MICU1: variants seen among roughly 807,000 people sequenced by gnomAD.
MICU1 encodes mitochondrial calcium uptake 1.
In MICU1, 45 loss-of-function variants were observed where a neutral mutation model predicts 56.8. The observed-to-expected ratio is 0.79, with a 90% CI of 0.62 to 1.02. The LOEUF (loss-of-function observed/expected upper bound fraction) is 1.02, where lower values mean the gene tolerates loss of function less well. MICU1 is among the 50% of genes least tolerant of loss of function. MICU1 has a pLI of 0.00. For synonymous variants in MICU1, 186 were observed against 195.1 expected, an observed-to-expected ratio of 0.95 and a Z score of 0.39; for missense variants, 504 against 587.1, an observed-to-expected ratio of 0.86 and a Z score of 1.46.
intron 5 of MICU1, among the ~76,000 whole-genome samples, chr10:72,519,987 T>G (rs888814912): frequency 6.6e-6 from 1 of 152,132 alleles, no homozygotes; most frequent in African/African-American, 2.4e-5. Context: ...ATGAAATCCT[T>G]GGGTTATTTT....
chr10:72,604,157 T>C (rs909923690), intron 1 of MICU1, among the ~76,000 whole-genome samples: 1 of 152,098 alleles, frequency 6.6e-6, no homozygotes, highest in Admixed American at 6.6e-5. Flanking sequence ...GCAACAGACA[T>C]CTTTATAGAT....
In MICU1 at chr10:72,489,341, GAACT is replaced by G. The variant is rs1489100026; in HGVS notation, c.653-12089_653-12086del. ...ACACACACAAAAATAAAAAAAAAAG[GAACT>G]AACTTATATATCTTAATCCATTTAA... On this transcript the variant is annotated intron_variant, in intron 6 of 11. Coordinates refer to ENST00000361114, the MANE Select transcript of MICU1 (RefSeq NM_001195518.2). 4.7e-5 allele frequency among the ~76,000 whole-genome samples: 7 copies of G among 149,450 alleles called. 1 individual carries two copies. Among genetic ancestry groups the G allele is most frequent in the Non-Finnish European group, 7.4e-5 (5 of 67,456 alleles).
At chr10:72,588,326 G>GT (rs11440516) in intron 1 of MICU1, among the ~76,000 whole-genome samples, 68,877 of 148,182 alleles carry the variant, frequency 0.46, 19,616 homozygotes, top group Non-Finnish European at 0.67. Context: ...CCAGTCTGAG[G>GT]TTTTTTTTTT....
At chr10:72,502,934 G>C in intron 6 of MICU1, 1 of 173,576 alleles carries the variant, frequency 5.8e-6, no homozygotes, top group Admixed American at 6.1e-5. Context: ...CCGTAGTTCA[G>C]CCTTAGACAA....
At chr10:72,595,236 AAG>A (rs146403990) in intron 1 of MICU1, among the ~76,000 whole-genome samples, 69,948 of 151,038 alleles carry the variant, frequency 0.46, 20,258 homozygotes, top group Non-Finnish European at 0.67. Context: ...CAGATCACTT[AAG>A]GTTAGGAGTC....
chr10:72,579,669 A>G (rs1039973786), intron 1 of MICU1, among the ~76,000 whole-genome samples: 1 of 152,178 alleles, frequency 6.6e-6, no homozygotes, highest in East Asian at 1.9e-4. Context: ...TAGCATATAA[A>G]TTCAGAGTCA....
chr10:72,471,100 T>C (rs1426288061), intron 8 of MICU1, among the ~76,000 whole-genome samples: 1 of 152,194 alleles, frequency 6.6e-6, no homozygotes, highest in Non-Finnish European at 1.5e-5. Flanking sequence ...ATATGTTTTT[T>C]TTTGAGACAG....
At chr10:72,386,816 A>C (rs890618118) in intron 10 of MICU1, among the ~76,000 whole-genome samples, 1 of 152,096 alleles carries the variant, frequency 6.6e-6, no homozygotes, top group East Asian at 1.9e-4. Context: ...TGGGATTACA[A>C]GGTTGTGCCA....
At chr10:72,600,017 C>A (rs973593279) in intron 1 of MICU1, among the ~76,000 whole-genome samples, 12 of 152,216 alleles carry the variant, frequency 7.9e-5, no homozygotes, top group African/African-American at 2.4e-4. Context: ...CATGGCCAGG[C>A]ATGGTGGCTC....
intron 1 of MICU1, among the ~76,000 whole-genome samples, chr10:72,622,744 T>G (rs1453364602): frequency 2.6e-5 from 4 of 152,224 alleles, no homozygotes; most frequent in African/African-American, 9.6e-5. Context: ...GTATTTTCGA[T>G]AATGTTTCCA....
intron 10 of MICU1, among the ~76,000 whole-genome samples, chr10:72,392,401 T>C (rs1401150521): frequency 6.6e-6 from 1 of 152,022 alleles, no homozygotes; most frequent in African/African-American, 2.4e-5. Flanking sequence ...GAAACCCCCA[T>C]CTCTGTTAAA....
intron 8 of MICU1, among the ~76,000 whole-genome samples, chr10:72,444,402 T>C (rs951455500): frequency 1.3e-5 from 2 of 151,850 alleles, no homozygotes; most frequent in Non-Finnish European, 2.9e-5. Flanking sequence ...GAAAATAGTT[T>C]TCTCTTTCTT....
At chr10:72,435,328 C>T (rs536391241) in intron 8 of MICU1, among the ~76,000 whole-genome samples, 5 of 131,240 alleles carry the variant, frequency 3.8e-5, no homozygotes, top group South Asian at 5.2e-4. Context: ...TTCAAGGCTG[C>T]GGTGAGCTAT....
At chr10:72,570,080 G>C (rs1840569944) in intron 1 of MICU1, among the ~76,000 whole-genome samples, 1 of 152,022 alleles carries the variant, frequency 6.6e-6, no homozygotes, top group Non-Finnish European at 1.5e-5. Context: ...CAAGTTGCTG[G>C]GATTACAGAA....
intron 5 of MICU1, among the ~76,000 whole-genome samples, chr10:72,516,593 T>C (rs1334997662): frequency 1.3e-5 from 2 of 152,176 alleles, no homozygotes; most frequent in Non-Finnish European, 2.9e-5. Flanking sequence ...CTTTAATCCA[T>C]CTCGAGTTAA....
intron 4 of MICU1, among the ~76,000 whole-genome samples, chr10:72,536,302 T>C (rs975579439): frequency 2.0e-5 from 3 of 152,146 alleles, no homozygotes; most frequent in Non-Finnish European, 4.4e-5. Flanking sequence ...ATGTACCCCA[T>C]AAATATGTAC....
intron 5 of MICU1, among the ~76,000 whole-genome samples, chr10:72,515,301 C>G (rs1309937806): frequency 6.6e-6 from 1 of 152,196 alleles, no homozygotes; most frequent in Non-Finnish European, 1.5e-5. Context: ...GAGATCTGAA[C>G]AAGTTGACTG....
chr10:72,485,626 T>A (rs1213070353), intron 6 of MICU1, among the ~76,000 whole-genome samples: 2 of 150,972 alleles, frequency 1.3e-5, no homozygotes, highest in Non-Finnish European at 2.9e-5. Flanking sequence ...ATCCAAATAG[T>A]CCACTAGAGC....
chr10:72,404,948 C>A (rs1471909207), intron 10 of MICU1, among the ~76,000 whole-genome samples: 1 of 152,096 alleles, frequency 6.6e-6, no homozygotes, highest in African/African-American at 2.4e-5. Flanking sequence ...GCTCTGCTAC[C>A]CAGTCTGGAG....
Sources: gnomAD v4.1 joint callset for allele counts (sites outside exome capture counted in the v4.1 genomes callset) on GRCh38, gnomAD v4.1.1 for gene constraint, MANE v1.5 for transcripts, NCBI Gene and HGNC (gene_info 2026-07-23, HGNC 2026-07-21) for gene names.